The following CSMD1 variants were observed in gnomAD, a reference collection of about 807,000 sequenced individuals.
The protein encoded by CSMD1 is CUB and Sushi multiple domains 1, also known as CUB and sushi domain-containing protein 1.
A neutral mutation model predicts 417.5 loss-of-function variants in CSMD1; 213 were observed. The observed-to-expected ratio is 0.51, with a 90% CI of 0.46 to 0.57. The LOEUF (loss-of-function observed/expected upper bound fraction) is 0.57. Ranked by LOEUF, CSMD1 falls within the 20% of genes least tolerant of loss-of-function variation. CSMD1 has a pLI of 0.00. For missense variants in CSMD1, 6,923 were observed against 4,529.7 expected, an observed-to-expected ratio of 1.53 and a Z score of -15.17; for synonymous variants, 2,862 against 1,736.8, an observed-to-expected ratio of 1.65 and a Z score of -16.11.
At chr8:3,356,228 GA>G (rs1318995990) in intron 21 of CSMD1, among the ~76,000 whole-genome samples, 2 of 152,194 alleles carry the variant, frequency 1.3e-5, no homozygotes, top group Non-Finnish European at 1.5e-5. Context: ...TATAATTTTA[GA>G]GAAAGGAACA....
chr8:4,742,648 G>A (rs1322964718), intron 1 of CSMD1, among the ~76,000 whole-genome samples: 1 of 152,034 alleles, frequency 6.6e-6, no homozygotes, highest in Non-Finnish European at 1.5e-5. Context: ...GAATCCAAAA[G>A]CAGGTAGTGT....
At chr8:3,968,229 C>A (rs796989668) in intron 5 of CSMD1, among the ~76,000 whole-genome samples, 13 of 151,820 alleles carry the variant, frequency 8.6e-5, no homozygotes, top group African/African-American at 2.7e-4. Flanking sequence ...AAACAATGTG[C>A]CATAATCATA....
intron 51 of CSMD1, among the ~76,000 whole-genome samples, chr8:3,027,088 G>A (rs1809986451): frequency 6.6e-6 from 1 of 151,968 alleles, no homozygotes; most frequent in Non-Finnish European, 1.5e-5. Context: ...AGATTGACAA[G>A]CCCTGTATTA....
intron 2 of CSMD1, among the ~76,000 whole-genome samples, chr8:4,489,022 T>C (rs762610256): frequency 2.4e-4 from 36 of 152,300 alleles, no homozygotes; most frequent in Non-Finnish European, 2.9e-4. Flanking sequence ...GCAATTCCCC[T>C]GTCTCAGCCT....
At chr8:3,590,412 C>T (rs1030584687) in intron 8 of CSMD1, among the ~76,000 whole-genome samples, 10 of 152,240 alleles carry the variant, frequency 6.6e-5, no homozygotes, top group Non-Finnish European at 1.0e-4. Flanking sequence ...GACCTGAACT[C>T]GGCTCTTACT....
chr8:4,818,650 T>C (rs1322774254), intron 1 of CSMD1, among the ~76,000 whole-genome samples: 1 of 152,174 alleles, frequency 6.6e-6, no homozygotes, highest in African/African-American at 2.4e-5. Flanking sequence ...ATAATATCTT[T>C]AGAGAAAGGG....
At chr8:4,871,045 A>G (rs1402593231) in intron 1 of CSMD1, among the ~76,000 whole-genome samples, 4 of 152,120 alleles carry the variant, frequency 2.6e-5, no homozygotes, top group Non-Finnish European at 5.9e-5. Flanking sequence ...TGGGAGAGTC[A>G]GCAGTGCTGG....
At chr8:4,421,705 G>T (rs910789801) in intron 2 of CSMD1, among the ~76,000 whole-genome samples, 1 of 151,992 alleles carries the variant, frequency 6.6e-6, no homozygotes, top group South Asian at 2.1e-4. Context: ...AAGGTAATTA[G>T]TCGCACTAAA....
At chr8:3,383,029 C>A (rs1450861093) in intron 18 of CSMD1, among the ~76,000 whole-genome samples, 2 of 152,148 alleles carry the variant, frequency 1.3e-5, no homozygotes, top group African/African-American at 4.8e-5. Flanking sequence ...ATCTCAAATA[C>A]CAATGATGCC....
chr8:3,784,828 T>C (rs1799365146), intron 5 of CSMD1, among the ~76,000 whole-genome samples: 1 of 152,250 alleles, frequency 6.6e-6, no homozygotes, highest in Non-Finnish European at 1.5e-5. Flanking sequence ...CCATTTCCGC[T>C]GATTTTCAAC....
chr8:3,293,665 T>A (rs954515227), intron 25 of CSMD1, among the ~76,000 whole-genome samples: 1 of 152,220 alleles, frequency 6.6e-6, no homozygotes, highest in Non-Finnish European at 1.5e-5. Flanking sequence ...CGTGCCTTGG[T>A]TTTCAGCTAC....
intron 5 of CSMD1, among the ~76,000 whole-genome samples, chr8:3,839,731 G>C (rs73172272): frequency 4.7e-5 from 7 of 149,872 alleles, no homozygotes; most frequent in Non-Finnish European, 1.0e-4. Context: ...AAAGCACTTC[G>C]CTTGCTGTTA....
intron 4 of CSMD1, among the ~76,000 whole-genome samples, chr8:4,030,617 A>G (rs754188539): frequency 7.9e-5 from 12 of 152,312 alleles, no homozygotes; most frequent in Non-Finnish European, 1.3e-4. Context: ...GTTGCTGTGA[A>G]GACCTCTGAC....
intron 25 of CSMD1, among the ~76,000 whole-genome samples, chr8:3,306,670 G>C (rs973663637): frequency 2.0e-5 from 3 of 150,302 alleles, no homozygotes; most frequent in African/African-American, 7.5e-5. Context: ...AAACAGAAAG[G>C]TTAATTGAAG....
At chr8:2,960,634 T>C (rs1377046969) in intron 62 of CSMD1, among the ~76,000 whole-genome samples, 1 of 152,196 alleles carries the variant, frequency 6.6e-6, no homozygotes, top group Non-Finnish European at 1.5e-5. Flanking sequence ...TAATAATTCA[T>C]AGAAATTTAA....
chr8:3,348,386 G>C (rs1381712428), intron 21 of CSMD1, among the ~76,000 whole-genome samples: 1 of 152,044 alleles, frequency 6.6e-6, no homozygotes, highest in Non-Finnish European at 1.5e-5. Context: ...TTAACAGAAT[G>C]ACCTCTGACT....
chr8:3,915,689 C>T (rs116219105), intron 5 of CSMD1, among the ~76,000 whole-genome samples: 2,065 of 151,346 alleles, frequency 0.014, 44 homozygotes, highest in African/African-American at 0.048. Context: ...ATGTAGAACT[C>T]TATCTCTGTT....
At chr8:4,057,375 G>A (rs1409144768) in intron 3 of CSMD1, among the ~76,000 whole-genome samples, 6 of 148,940 alleles carry the variant, frequency 4.0e-5, no homozygotes, top group African/African-American at 1.5e-4. Flanking sequence ...CTTTTTGATG[G>A]GGTTATTTGT....
chr8:4,924,015 G>C lies in CSMD1; in HGVS notation c.85+70317C>G, dbSNP rs533088779. Among the ~76,000 whole-genome samples the C allele has an allele frequency of 6.6e-5, 10 of 152,216 alleles. No individual in the cohort carries two copies. The East Asian group carries it at 9.7e-4, about 15-fold the overall frequency. The stretch of plus-strand genomic sequence containing the variant: ...AAGTTTTATAATAGAATTCATTTTT[G>C]TCCTCTGTCACATCTCAGCTTGCTT... On this transcript the variant is annotated intron_variant, in intron 1 of 69. Coordinates refer to ENST00000635120, the MANE Select transcript of CSMD1 (RefSeq NM_033225.6).
Sources: gnomAD v4.1 joint callset for allele counts (sites outside exome capture counted in the v4.1 genomes callset) on GRCh38, gnomAD v4.1.1 for gene constraint, MANE v1.5 for transcripts, NCBI Gene and HGNC (gene_info 2026-07-23, HGNC 2026-07-21) for gene names.